TMCO5A: variants seen among roughly 807,000 people sequenced by gnomAD.
TMCO5A encodes transmembrane and coiled-coil domain-containing protein 5A.
In TMCO5A, 34 loss-of-function variants were observed where a neutral mutation model predicts 42.3. The observed-to-expected ratio is 0.80, with a 90% CI of 0.61 to 1.07. The LOEUF (loss-of-function observed/expected upper bound fraction) is 1.07. TMCO5A is among the 50% of genes least tolerant of loss of function. TMCO5A has a pLI of 0.00. For synonymous variants in TMCO5A, 131 were observed against 115.6 expected, an observed-to-expected ratio of 1.13 and a Z score of -0.86; for missense variants, 357 against 327.9, an observed-to-expected ratio of 1.09 and a Z score of -0.69.
At chr15:37,948,272 G>A (rs1351182396) in intron 11 of TMCO5A, among the ~76,000 whole-genome samples, 2 of 152,002 alleles carry the variant, frequency 1.3e-5, no homozygotes, top group African/African-American at 2.4e-5. Context: ...TGGTATTCAC[G>A]AAGCTCCTAC....
the TMCO5A span, among the ~76,000 whole-genome samples, chr15:37,973,066 G>A: frequency 6.6e-6 from 1 of 151,860 alleles, no homozygotes. Context: ...TGTCAACTTT[G>A]TCAAAGATCA....
At chr15:37,984,345 T>C in the TMCO5A span, among the ~76,000 whole-genome samples, 1 of 152,132 alleles carries the variant, frequency 6.6e-6, no homozygotes, top group Non-Finnish European at 1.5e-5. Context: ...GAGAGAAAGC[T>C]GAACAATGTC....
chr15:37,990,977 A>G, the TMCO5A span, among the ~76,000 whole-genome samples: 1 of 152,122 alleles, frequency 6.6e-6, no homozygotes, highest in Non-Finnish European at 1.5e-5. Context: ...GTCCAAAAGC[A>G]TAAATAACTG....
chr15:37,976,101 A>G, the TMCO5A span, among the ~76,000 whole-genome samples: 5 of 144,664 alleles, frequency 3.5e-5, 1 homozygote, highest in African/African-American at 1.4e-4. Context: ...AAAATTAGCC[A>G]GGCATGGTGG....
the TMCO5A span, among the ~76,000 whole-genome samples, chr15:38,030,429 G>A: frequency 6.6e-6 from 1 of 152,096 alleles, no homozygotes. Context: ...ATTAACCACA[G>A]TTTGAGCCAT....
the TMCO5A span, among the ~76,000 whole-genome samples, chr15:38,037,141 T>C: frequency 2.0e-5 from 3 of 152,350 alleles, no homozygotes; most frequent in Middle Eastern, 3.4e-3. Flanking sequence ...GTTAATGTGG[T>C]GTTTAACACA....
chr15:37,989,161 T>C, the TMCO5A span, among the ~76,000 whole-genome samples: 1 of 151,950 alleles, frequency 6.6e-6, no homozygotes, highest in Non-Finnish European at 1.5e-5. Context: ...TTAATTTTTG[T>C]AGCATCAATA....
the TMCO5A span, among the ~76,000 whole-genome samples, chr15:37,983,377 GAT>G: frequency 1.3e-5 from 2 of 152,286 alleles, no homozygotes; most frequent in African/African-American, 4.8e-5. Flanking sequence ...AAAAAAACAG[GAT>G]ATATGCCTGT....
At chr15:38,030,785 C>T in the TMCO5A span, among the ~76,000 whole-genome samples, 28 of 152,226 alleles carry the variant, frequency 1.8e-4, 1 homozygote, top group East Asian at 2.3e-3. Flanking sequence ...ATGTTCATGC[C>T]GAGAACATAA....
intron 11 of TMCO5A, among the ~76,000 whole-genome samples, chr15:37,965,393 CA>C (rs2140822439): frequency 6.6e-6 from 1 of 152,156 alleles, no homozygotes; most frequent in Non-Finnish European, 1.5e-5. Flanking sequence ...GCAACCAAGA[CA>C]AAAGTGGACA....
At chr15:38,034,123 CTG>C in the TMCO5A span, among the ~76,000 whole-genome samples, 1 of 152,118 alleles carries the variant, frequency 6.6e-6, no homozygotes, top group East Asian at 1.9e-4. Context: ...AAGACAAACA[CTG>C]TGTGGCAGAA....
Position 37,951,021 on chromosome 15 carries a change from G to A in TMCO5A, c.669-15G>A, listed in dbSNP as rs918848910. The A allele has an allele frequency of 9.3e-6, 15 of 1,608,312 alleles. No homozygotes were observed. Among genetic ancestry groups the A allele is most frequent in the African/African-American group, 2.7e-5 (2 of 74,582 alleles). On this transcript the variant is annotated splice_polypyrimidine_tract_variant and intron_variant, in intron 11 of 11. Coordinates refer to ENST00000319669, the MANE Select transcript of TMCO5A (RefSeq NM_152453.4). ...TAAGCTTCTGGTTAACAGTTTCATG[G>A]CATTCTCTTTTTAGGATTTTTTGCT...
chr15:38,023,198 A>G, the TMCO5A span, among the ~76,000 whole-genome samples: 1 of 151,986 alleles, frequency 6.6e-6, no homozygotes, highest in South Asian at 2.1e-4. Context: ...CAAATTGATC[A>G]TGATACAAAA....
At chr15:38,027,323 A>C in the TMCO5A span, among the ~76,000 whole-genome samples, 2 of 152,134 alleles carry the variant, frequency 1.3e-5, no homozygotes, top group Non-Finnish European at 2.9e-5. Context: ...GTCAAAGGAG[A>C]TCATTTTGGA....
chr15:38,030,715 A>G, the TMCO5A span, among the ~76,000 whole-genome samples: 3 of 152,148 alleles, frequency 2.0e-5, no homozygotes, highest in Non-Finnish European at 2.9e-5. Flanking sequence ...TGCACTCCAG[A>G]AATGTTGAAC....
chr15:37,957,141 A>C (rs1890310658), intron 11 of TMCO5A, among the ~76,000 whole-genome samples: 2 of 152,214 alleles, frequency 1.3e-5, no homozygotes, highest in South Asian at 4.1e-4. Context: ...ATCATACTGA[A>C]TGGGCAAAAA....
the TMCO5A span, among the ~76,000 whole-genome samples, chr15:37,974,097 C>T: frequency 6.6e-6 from 1 of 152,268 alleles, no homozygotes; most frequent in Non-Finnish European, 1.5e-5. Context: ...AACCTTGCAT[C>T]CCAGAGATTA....
chr15:37,987,630 C>T, the TMCO5A span, among the ~76,000 whole-genome samples: 1 of 151,864 alleles, frequency 6.6e-6, no homozygotes, highest in South Asian at 2.1e-4. Flanking sequence ...TAACCTTTCC[C>T]CCAGTGAATT....
rs1449535660 is a variant in TMCO5A, at chr15:37,961,104, A to C, written c.669-5521A>C. Among the ~76,000 whole-genome samples the C allele has an allele frequency of 3.9e-5, 6 of 152,256 alleles. No homozygotes were observed. The East Asian group carries it at 5.8e-4, about 15-fold the overall frequency. On this transcript the variant is annotated intron_variant, in intron 11 of 11. Transcript: ENST00000559502. The stretch of plus-strand genomic sequence containing the variant: ...ATTTGCTTTTGGGTTCTTGGTCAGG[A>C]AATCCTTGCCTAAGCCAATGCCTAA...
Sources: allele counts gnomAD v4.1 joint callset (sites outside exome capture counted in the v4.1 genomes callset), GRCh38; gene constraint gnomAD v4.1.1; transcripts MANE v1.5; gene names NCBI Gene and HGNC (gene_info 2026-07-23, HGNC 2026-07-21).